The following PCNT variants were observed in gnomAD, a reference collection of about 807,000 sequenced individuals.
PCNT encodes pericentrin.
PCNT carries 319 observed loss-of-function variants against 380.4 expected under a neutral mutation model. That is an observed-to-expected ratio of 0.84 (90% CI 0.77 to 0.92). The LOEUF (loss-of-function observed/expected upper bound fraction) is 0.92, where lower values mean the gene tolerates loss of function less well. Ranked by LOEUF, PCNT falls within the 40% of genes least tolerant of loss-of-function variation. The pLI is 0.00. For synonymous variants in PCNT, 1,845 were observed against 1,735.2 expected, an observed-to-expected ratio of 1.06 and a Z score of -1.57; for missense variants, 4,400 against 4,255.3, an observed-to-expected ratio of 1.03 and a Z score of -0.95.
intron 33 of PCNT, 123 bp downstream of exon 33, chr21:46,426,094 T>TCTCGCTGTCTCTACCAGGC: frequency 2.0e-6 from 2 of 976,240 alleles, no homozygotes; most frequent in African/African-American, 4.3e-5. Context: ...TTTTTTTTTT[T>TCTCGCTGTCTCTACCAGGC]TTGAGACTCG....
At chr21:46,437,881 T>G (rs1335556482) in intron 40 of PCNT, among the ~76,000 whole-genome samples, 1 of 152,212 alleles carries the variant, frequency 6.6e-6, no homozygotes, top group Non-Finnish European at 1.5e-5. Context: ...ATCCGCCCCC[T>G]TGGGATGAAC....
In PCNT at chr21:46,351,142, C is replaced by T. The variant is rs2839218; in HGVS notation, c.1345-287C>T. Among the ~76,000 whole-genome samples, 51,376 of 151,970 alleles carry T rather than the reference C, an allele frequency of 0.34. 9,074 individuals carry two copies. Among genetic ancestry groups the T allele is most frequent in the East Asian group, 0.45 (2,296 of 5,148 alleles). ...TGCACAAGATGAAACTGCACCGCTG[C>T]GGCCGGCATGGAACCTGGCCGTGCC... On this transcript the variant is annotated intron_variant, in intron 8 of 46. Coordinates refer to ENST00000359568, the MANE Select transcript of PCNT (RefSeq NM_006031.6).
In PCNT at chr21:46,355,590, G is replaced by C; in HGVS notation, c.1900G>C (p.Glu634Gln). ...CCVETSALGHEWRLEPSEGHS... is the reference protein window; with the variant it reads ...CCVETSALGHQWRLEPSEGHS... ...CGTAGAGACTTCAGCATTGGGACAC[G>C]AGTGGCGTCTGGAACCCTCTGAAGG... The change falls in exon 12 of 47, where the codon GAG becomes CAG. Residue 634 changes from glutamate to glutamine, a missense_variant. Glu to Gln is a conservative substitution (Grantham distance 29, BLOSUM62 2). Transcript: ENST00000359568. 2 of 1,614,098 alleles carry C rather than the reference G, an allele frequency of 1.2e-6. No homozygotes were observed.
intron 24 of PCNT, 31 bp from the exon 25 acceptor site, chr21:46,399,559 T>G: frequency 6.6e-7 from 1 of 1,508,808 alleles, no homozygotes; most frequent in East Asian, 2.3e-5. Flanking sequence ...AACATTCTAT[T>G]GTATTCCTCA....
chr21:46,354,193 G>A, intron 11 of PCNT, 125 bp downstream of exon 11: 1 of 856,078 alleles, frequency 1.2e-6, no homozygotes, highest in Admixed American at 2.0e-5. Flanking sequence ...AAGGCTGCTT[G>A]CGGATGCTGC....
intron 25 of PCNT, among the ~76,000 whole-genome samples, 195 bp from the exon 26 acceptor site, chr21:46,401,356 C>T (rs1192644582): frequency 1.3e-5 from 2 of 152,186 alleles, no homozygotes; most frequent in Non-Finnish European, 2.9e-5. Flanking sequence ...CGTCCTGCAC[C>T]AGGCAGGCCT....
At chr21:46,324,700 A>G (rs1303411807) in intron 1 of PCNT, among the ~76,000 whole-genome samples, 2 of 151,640 alleles carry the variant, frequency 1.3e-5, no homozygotes, top group Non-Finnish European at 2.9e-5. Flanking sequence ...TGGATCTTCC[A>G]GTGGCTCCCG....
chr21:46,346,772 G>T lies in PCNT; in HGVS notation c.750G>T (p.Leu250=). The change falls in exon 5 of 47, where the codon CTG becomes CTT. Residue 250 remains leucine, a synonymous_variant. Coordinates refer to ENST00000359568, the MANE Select transcript of PCNT (RefSeq NM_006031.6). ...QAVHGLELEA[L]RLSLSNMHTA... ...TGCATGGCCTTGAGCTGGAGGCGCT[G>T]CGCCTGAGTCTGAGCAACATGCACA... 1 of 1,597,532 alleles carries T rather than the reference G, an allele frequency of 6.3e-7. No homozygotes were observed. The highest frequency in any genetic ancestry group is 8.5e-7 in the Non-Finnish European group (1 of 1,173,434).
At chr21:46,353,578 G>A (rs531105221) in intron 10 of PCNT, among the ~76,000 whole-genome samples, 29 of 151,702 alleles carry the variant, frequency 1.9e-4, no homozygotes, top group Non-Finnish European at 3.4e-4. Flanking sequence ...GGACACGCTC[G>A]TGTAGGCCAG....
At position 46,353,095 on chromosome 21, in the gene PCNT, AT is replaced by A. The variant is rs1569185577; in HGVS notation, c.1457-8del. 1 of 1,610,946 alleles carries A rather than the reference AT, an allele frequency of 6.2e-7. No individual in the cohort carries two copies. The highest frequency in any genetic ancestry group is 8.5e-7 in the Non-Finnish European group (1 of 1,177,446). The stretch of plus-strand genomic sequence containing the variant: ...TTTAAGACGATTGCCTGACTCCGTT[AT>A]GTTGCAGAGCTACATGAGCAACTCC... On this transcript the variant is annotated splice_region_variant and splice_polypyrimidine_tract_variant and intron_variant, in intron 9 of 46. Transcript: ENST00000359568.
chr21:46,350,984 C>G (rs191894322), intron 8 of PCNT, among the ~76,000 whole-genome samples: 2 of 152,300 alleles, frequency 1.3e-5, no homozygotes, highest in East Asian at 1.9e-4. Flanking sequence ...GTAAGAGGTA[C>G]CTGCTTCCTT....
At chr21:46,331,429 G>A (rs1482375393) in intron 2 of PCNT, among the ~76,000 whole-genome samples, 3 of 152,158 alleles carry the variant, frequency 2.0e-5, no homozygotes, top group Non-Finnish European at 4.4e-5. Context: ...TTCAGGATTC[G>A]GCTCTGTTGC....
intron 29 of PCNT, among the ~76,000 whole-genome samples, chr21:46,414,075 T>TCCTCCTC (rs2086912513): frequency 6.6e-6 from 1 of 151,254 alleles, no homozygotes; most frequent in African/African-American, 2.4e-5. Flanking sequence ...CACTGCAACC[T>TCCTCCTC]CTGCCTCCCG....
chr21:46,337,354 A>C (rs2083779678), intron 3 of PCNT, among the ~76,000 whole-genome samples: 1 of 152,210 alleles, frequency 6.6e-6, no homozygotes, highest in Admixed American at 6.5e-5. Flanking sequence ...TCATATAAGA[A>C]ACAAATTTAC....
At chr21:46,364,092 A>G (rs1348065620) in intron 14 of PCNT, among the ~76,000 whole-genome samples, 158 bp downstream of exon 14, 2 of 152,232 alleles carry the variant, frequency 1.3e-5, no homozygotes, top group African/African-American at 2.4e-5. Flanking sequence ...TTTTCAGCCT[A>G]ATTGCAGTGG....
intron 12 of PCNT, 39 bp downstream of exon 12, chr21:46,355,665 C>G: frequency 2.5e-6 from 4 of 1,607,756 alleles, no homozygotes; most frequent in Non-Finnish European, 3.4e-6. Context: ...CGGCAGGTCC[C>G]GGGTCTGGGG....
rs2053477474 is a variant in PCNT, at chr21:46,437,020, T to TG, written c.9039dup (p.Ser3014ValfsTer12). ...ACGTCATCCAATGAGAAAGCAGTGA[T>TG]GTCTTTACTGCACACGTTGGAGGAG... On this transcript the variant is annotated frameshift_variant, in exon 40 of 47. Coordinates refer to ENST00000359568, the MANE Select transcript of PCNT (RefSeq NM_006031.6). LOFTEE classifies it high-confidence loss of function. 2 of 1,613,982 alleles carry TG rather than the reference T, an allele frequency of 1.2e-6. No individual in the cohort carries two copies. The highest frequency in any genetic ancestry group is 2.7e-5 in the African/African-American group (2 of 74,934).
rs894403056 is a variant in PCNT, at chr21:46,352,571, A to G, written c.1457-533A>G. 5.9e-5 allele frequency among the ~76,000 whole-genome samples: 9 copies of G among 152,270 alleles called. No homozygotes were observed. In the South Asian group the frequency reaches 1.0e-3, roughly 18 times the overall value. ...TAGAGCAGCGGGCTGTATTCTGACCATAGTAGCCATGGAGACAAGTTCTTT... is the reference window on the plus strand; with the variant it reads ...TAGAGCAGCGGGCTGTATTCTGACCGTAGTAGCCATGGAGACAAGTTCTTT... On this transcript the variant is annotated intron_variant, in intron 9 of 46. Coordinates refer to ENST00000359568, the MANE Select transcript of PCNT (RefSeq NM_006031.6).
intron 15 of PCNT, among the ~76,000 whole-genome samples, chr21:46,369,322 C>G (rs991539218): frequency 6.6e-6 from 1 of 152,234 alleles, no homozygotes; most frequent in African/African-American, 2.4e-5. Context: ...GATCCTCTTG[C>G]CTTGGCCTCC....
Sources: gnomAD v4.1 joint callset for allele counts (sites outside exome capture counted in the v4.1 genomes callset) on GRCh38, gnomAD v4.1.1 for gene constraint, MANE v1.5 for transcripts, NCBI Gene and HGNC (gene_info 2026-07-23, HGNC 2026-07-21) for gene names.